The following SLC2A14 variants were observed in gnomAD, a reference collection of about 807,000 sequenced individuals.
SLC2A14 encodes the protein solute carrier family 2, facilitated glucose transporter member 14.
SLC2A14 carries 13 observed loss-of-function variants against 43.0 expected under a neutral mutation model. The ratio of observed to expected loss-of-function variants is 0.30; its 90% confidence interval spans 0.20 to 0.48. The LOEUF (loss-of-function observed/expected upper bound fraction) is 0.48, where lower values mean the gene tolerates loss of function less well. Ranked by LOEUF, SLC2A14 falls within the 20% of genes least tolerant of loss-of-function variation. The pLI is 0.99. For missense variants in SLC2A14, 428 were observed against 620.4 expected (o/e 0.69, Z 3.29); for synonymous variants, 190 against 233.8 (o/e 0.81, Z 1.71).
chr12:7,857,788 GTAGC>G (rs1944332356), intron 2 of SLC2A14, among the ~76,000 whole-genome samples: 2 of 151,960 alleles, frequency 1.3e-5, no homozygotes, highest in Admixed American at 1.3e-4. Context: ...AGCTTCCCAA[GTAGC>G]TGGGATTACA....
At chr12:7,851,341 C>A (rs1387561243) in intron 2 of SLC2A14, among the ~76,000 whole-genome samples, 2 of 152,082 alleles carry the variant, frequency 1.3e-5, no homozygotes, top group African/African-American at 4.8e-5. Context: ...GTAGTCATCA[C>A]CCCGGAAGAA....
chr12:7,836,442 G>A (rs1374829742), intron 2 of SLC2A14, among the ~76,000 whole-genome samples: 1 of 152,016 alleles, frequency 6.6e-6, no homozygotes, highest in Non-Finnish European at 1.5e-5. Flanking sequence ...GGCTGGTCTC[G>A]AACTCCTGAC....
rs184235719 is a variant in SLC2A14, at chr12:7,841,003, C to G, written c.19-8189G>C. 4.5e-3 allele frequency among the ~76,000 whole-genome samples: 691 copies of G among 152,286 alleles called. 7 individuals are homozygous for G. Among genetic ancestry groups the G allele is most frequent in the African/African-American group, 0.016 (650 of 41,546 alleles). On this transcript the variant is annotated intron_variant, in intron 2 of 10. Coordinates refer to ENST00000431042, the MANE Select transcript of SLC2A14 (RefSeq NM_001286234.2). ...GCACTAAAAATAGTGTTCCCTTTCTCTTTCATCCCAGAGGCCGGGAACATA... is the reference window on the plus strand; with the variant it reads ...GCACTAAAAATAGTGTTCCCTTTCTGTTTCATCCCAGAGGCCGGGAACATA...
At chr12:7,882,004 G>C (rs887160293) in intron 1 of SLC2A14, among the ~76,000 whole-genome samples, 1 of 152,108 alleles carries the variant, frequency 6.6e-6, no homozygotes, top group Non-Finnish European at 1.5e-5. Context: ...CAATCAGCAG[G>C]ATGTGGGTGG....
chr12:7,864,645 T>C (rs1487406520), intron 2 of SLC2A14, among the ~76,000 whole-genome samples: 1 of 152,184 alleles, frequency 6.6e-6, no homozygotes, highest in African/African-American at 2.4e-5. Context: ...GCTGAGCTTT[T>C]ACTGTTAAGT....
intron 2 of SLC2A14, among the ~76,000 whole-genome samples, chr12:7,859,827 C>T (rs1944448080): frequency 6.6e-6 from 1 of 152,150 alleles, no homozygotes; most frequent in South Asian, 2.1e-4. Context: ...AATGCTGAAC[C>T]TACCCTGTAG....
rs754719439 is a variant in SLC2A14 at position 7,829,939 on chromosome 12, T to C, written c.340A>G (p.Ile114Val). The C allele has an allele frequency of 1.3e-5, 21 of 1,614,164 alleles. No homozygotes were observed. Among genetic ancestry groups the C allele is most frequent in the Admixed American group, 5.0e-5 (3 of 60,020 alleles). The change falls in exon 5 of 11, where the codon ATA (isoleucine) becomes GTA (valine). Residue 114 changes from isoleucine to valine, a missense_variant. By Grantham distance (29) the Ile-to-Val change is conservative. Around this residue, in one of 4 missense-constraint regions of SLC2A14, gnomAD observed 185 missense variants for 275.4 expected, o/e 0.67. Coordinates refer to ENST00000431042, the MANE Select transcript of SLC2A14 (RefSeq NM_001286234.2). ...ATCAGCATTTCAACTGACTCAGCTA[T>C]TTTACACAGTCCCATAAGGCAGCCA... ...TGGCLMGLCKIAESVEMLILG... is the reference protein window; with the variant it reads ...TGGCLMGLCKVAESVEMLILG...
intron 1 of SLC2A14, among the ~76,000 whole-genome samples, chr12:7,878,909 G>C (rs755475672): frequency 3.3e-4 from 48 of 145,608 alleles, no homozygotes; most frequent in Non-Finnish European, 5.5e-4. Context: ...CCAGGGAGTC[G>C]GAGGTTGCAG....
intron 4 of SLC2A14, 151 bp from the exon 5 acceptor site, chr12:7,830,157 C>CTT: frequency 2.5e-6 from 2 of 790,544 alleles, no homozygotes; most frequent in Non-Finnish European, 3.7e-6. Context: ...TCTTTTCTTT[C>CTT]TTTTTTTTTT....
chr12:7,848,399 T>C (rs2376904), intron 2 of SLC2A14, among the ~76,000 whole-genome samples: 129,903 of 151,480 alleles, frequency 0.86, 55,785 homozygotes, highest in Middle Eastern at 0.96. Context: ...TTTTTTACAA[T>C]TCCCTTTCTT....
At position 7,822,364 on chromosome 12, in the gene SLC2A14, C is replaced by T. The variant is rs140578198; in HGVS notation, c.865-1039G>A. ...CATTTCCTCTTGCTTATGTCTACTT[C>T]ACCAACTTATATGAAGGTGTAGGCT... is the stretch of plus-strand genomic sequence containing the variant. On this transcript the variant is annotated intron_variant, in intron 7 of 10. Transcript: ENST00000431042. 2.1e-3 allele frequency among the ~76,000 whole-genome samples: 319 copies of T among 152,062 alleles called. 2 individuals carry two copies. The highest frequency in any genetic ancestry group is 7.2e-3 in the African/African-American group (301 of 41,520).
rs182272132 is a variant in SLC2A14, at chr12:7,890,257, C to A, written c.132+739G>T. 1.3e-3 allele frequency among the ~76,000 whole-genome samples: 196 copies of A among 152,162 alleles called. 1 individual carries two copies. The highest frequency in any genetic ancestry group is 4.6e-3 in the African/African-American group (189 of 41,526). On this transcript the variant is annotated intron_variant, in intron 1 of 9. Transcript: ENST00000539924. ...TAAGTGTTAGTTGCCGTGTTCTCTG[C>A]CACAACTCCCTCCTGTTGCACCCCT...
Position 7,841,960 on chromosome 12 carries a change from G to C in SLC2A14, c.19-9146C>G, listed in dbSNP as rs151184362. On this transcript the variant is annotated intron_variant, in intron 2 of 10. Coordinates refer to ENST00000431042, the MANE Select transcript of SLC2A14 (RefSeq NM_001286234.2). The stretch of plus-strand genomic sequence containing the variant: ...GCAGAGGTTACAGTGAGCCGAGATT[G>C]CACCATTGCACTCCAGCCTGGGCAA... 0.02 allele frequency among the ~76,000 whole-genome samples: 2,969 copies of C among 151,204 alleles called. 197 individuals are homozygous for C. In the East Asian group the frequency reaches 0.2, roughly 10 times the overall value.
intron 4 of SLC2A14, chr12:7,831,219 GTAAC>G: frequency 6.0e-6 from 1 of 166,152 alleles, no homozygotes; most frequent in Non-Finnish European, 1.3e-5. Flanking sequence ...CTGTGTAGAG[GTAAC>G]AAAAACATTT....
chr12:7,837,767 A>AT (rs1407492909), intron 2 of SLC2A14, among the ~76,000 whole-genome samples: 2 of 121,046 alleles, frequency 1.7e-5, no homozygotes, highest in Non-Finnish European at 3.4e-5. Context: ...TTTTATTTTT[A>AT]TTTTTTTCGA....
chr12:7,859,896 C>T (rs1448355213), intron 2 of SLC2A14, among the ~76,000 whole-genome samples: 1 of 152,032 alleles, frequency 6.6e-6, no homozygotes, highest in Non-Finnish European at 1.5e-5. Flanking sequence ...TCATGGGAAA[C>T]GTGGCATTTA....
Position 7,857,281 on chromosome 12 carries a change from CA to C in SLC2A14, c.18+12581del, listed in dbSNP as rs1944304903. On this transcript the variant is annotated intron_variant, in intron 2 of 10. Transcript: ENST00000431042. Reference sequence around the variant, plus strand: ...CAAACAAACAAACAAAAAACATAAACAAAAACCATTCATAAAACACATATAG... The same window carrying C: ...CAAACAAACAAACAAAAAACATAAACAAAACCATTCATAAAACACATATAG... 2.0e-5 allele frequency among the ~76,000 whole-genome samples: 3 copies of C among 147,008 alleles called. No homozygotes were observed. In the South Asian group the frequency reaches 6.5e-4, roughly 32 times the overall value.
At chr12:7,874,983 A>T (rs1301565190), upstream of SLC2A14, among the ~76,000 whole-genome samples, 2 of 77,110 alleles carry the variant, frequency 2.6e-5, no homozygotes, top group East Asian at 3.3e-4. Context: ...AAATATATTT[A>T]TATATAAATT....
intron 1 of SLC2A14, among the ~76,000 whole-genome samples, chr12:7,888,809 A>AAAAAG (rs1945729581): frequency 1.4e-5 from 2 of 147,630 alleles, no homozygotes; most frequent in African/African-American, 4.9e-5. Flanking sequence ...AAAAAAAAAA[A>AAAAAG]AAAAAAGAAA....
Sources: gnomAD v4.1 joint callset for allele counts (sites outside exome capture counted in the v4.1 genomes callset) on GRCh38, gnomAD v4.1.1 for gene constraint, gnomAD v4.1.1 regional missense constraint, MANE v1.5 for transcripts, NCBI Gene and HGNC (gene_info 2026-07-23, HGNC 2026-07-21) for gene names.